MACROD2: variants seen among roughly 807,000 people sequenced by gnomAD.
The protein encoded by MACROD2 is mono-ADP ribosylhydrolase 2.
In MACROD2, 36 loss-of-function variants were observed where a neutral mutation model predicts 70.4. The observed-to-expected ratio is 0.51, with a 90% CI of 0.39 to 0.68. The LOEUF (loss-of-function observed/expected upper bound fraction) is 0.68, where lower values mean the gene tolerates loss of function less well. Ranked by LOEUF, MACROD2 falls within the 30% of genes least tolerant of loss-of-function variation. MACROD2 has a pLI of 0.00. For missense variants in MACROD2, 496 were observed against 538.4 expected (o/e 0.92, Z 0.78); for synonymous variants, 172 against 178.8 (o/e 0.96, Z 0.30).
chr20:14,705,359 AT>A (rs1490143927), intron 5 of MACROD2, among the ~76,000 whole-genome samples: 2 of 152,162 alleles, frequency 1.3e-5, no homozygotes, highest in Middle Eastern at 3.2e-3. Flanking sequence ...TTAAAAAAAA[AT>A]AATGCCCCTC....
chr20:15,486,383 T>C (rs2047163747), intron 7 of MACROD2, among the ~76,000 whole-genome samples: 1 of 152,172 alleles, frequency 6.6e-6, no homozygotes, highest in Admixed American at 6.5e-5. Context: ...CTCTCCTTAC[T>C]AAGCAAATAA....
intron 5 of MACROD2, among the ~76,000 whole-genome samples, chr20:14,927,311 A>T (rs1488462514): frequency 6.6e-6 from 1 of 152,192 alleles, no homozygotes; most frequent in African/African-American, 2.4e-5. Flanking sequence ...TACAGAATCC[A>T]TTCTATGTAG....
At chr20:14,071,256 T>TG (rs1555915765) in intron 2 of MACROD2, among the ~76,000 whole-genome samples, 15 of 88,988 alleles carry the variant, frequency 1.7e-4, no homozygotes, top group Middle Eastern at 4.5e-3. Context: ...TCTTGTGTTT[T>TG]TTTTTTTTTT....
chr20:15,837,464 C>A (rs578047291), intron 8 of MACROD2, among the ~76,000 whole-genome samples: 11 of 152,300 alleles, frequency 7.2e-5, no homozygotes, highest in African/African-American at 2.4e-4. Flanking sequence ...CTTGTCCTCA[C>A]AAGAACCCCT....
intron 8 of MACROD2, among the ~76,000 whole-genome samples, chr20:15,735,995 G>A (rs1027815405): frequency 2.0e-5 from 3 of 151,988 alleles, no homozygotes; most frequent in Non-Finnish European, 4.4e-5. Flanking sequence ...TCTGAGATAC[G>A]GCATCATGGT....
At chr20:15,445,794 CA>C (rs1487451558) in intron 7 of MACROD2, among the ~76,000 whole-genome samples, 1 of 152,086 alleles carries the variant, frequency 6.6e-6, no homozygotes, top group South Asian at 2.1e-4. Context: ...AAATGAGACC[CA>C]GAGTTGCTGA....
rs13042013 is a variant in MACROD2 at position 14,515,471 on chromosome 20, A to G, written c.301+21963A>G. The stretch of plus-strand genomic sequence containing the variant: ...ATGTGAGATACACACACACGCACAC[A>G]CACACACACACACACACACACACAC... On this transcript the variant is annotated intron_variant, in intron 4 of 17. Transcript: ENST00000684519. Among the ~76,000 whole-genome samples the G allele has an allele frequency of 5.6e-3, 560 of 99,862 alleles. 1 individual carries two copies. The highest frequency in any genetic ancestry group is 9.9e-3 in the South Asian group (27 of 2,722). 65.5% of individuals were successfully genotyped at this position (99,862 alleles called of 152,430 possible).
chr20:15,517,227 G>A lies in MACROD2; in HGVS notation c.645+17380G>A, dbSNP rs80163066. 7.0e-4 allele frequency among the ~76,000 whole-genome samples: 106 copies of A among 151,928 alleles called. 1 individual carries two copies. In the East Asian group the frequency reaches 0.012, roughly 17 times the overall value. On this transcript the variant is annotated intron_variant, in intron 8 of 17. Coordinates refer to ENST00000684519, the MANE Select transcript of MACROD2 (RefSeq NM_001351661.2). ...GCCTCCTTGGCCTCTGACTCCACCC[G>A]TCACCCTCATGCTCCAGGCCACCAC...
At chr20:15,252,210 A>G (rs1053176450) in intron 6 of MACROD2, among the ~76,000 whole-genome samples, 1 of 152,196 alleles carries the variant, frequency 6.6e-6, no homozygotes, top group Non-Finnish European at 1.5e-5. Context: ...ACAATTCCAT[A>G]TGTATTGCTA....
In MACROD2 at chr20:15,888,675, TGTCACC is replaced by T. The variant is rs2064851521; in HGVS notation, c.775+2865_775+2870del. 8.5e-5 allele frequency among the ~76,000 whole-genome samples: 13 copies of T among 152,278 alleles called. No individual in the cohort carries two copies. The South Asian group carries it at 2.5e-3, about 29-fold the overall frequency. The stretch of plus-strand genomic sequence containing the variant: ...GTTCCACCAGGTTTCCTGGGAGTTT[TGTCACC>T]AGCAGCTGCATGCAGCTGTTCAAGT... On this transcript the variant is annotated intron_variant, in intron 10 of 17. Coordinates refer to ENST00000684519, the MANE Select transcript of MACROD2 (RefSeq NM_001351661.2).
intron 15 of MACROD2, among the ~76,000 whole-genome samples, chr20:16,022,394 T>C (rs1234887016): frequency 1.3e-5 from 2 of 152,142 alleles, no homozygotes; most frequent in Non-Finnish European, 2.9e-5. Context: ...ATGTAATTAA[T>C]AAAATTTCTA....
At chr20:15,517,160 G>A (rs1010364728) in intron 8 of MACROD2, among the ~76,000 whole-genome samples, 3 of 151,944 alleles carry the variant, frequency 2.0e-5, no homozygotes, top group African/African-American at 2.4e-5. Flanking sequence ...AAAAAGTCCC[G>A]GTGGCCACCA....
In MACROD2 at chr20:15,753,347, TGTAA is replaced by T. The variant is rs148689403; in HGVS notation, c.646-109395_646-109392del. On this transcript the variant is annotated intron_variant, in intron 8 of 17. Coordinates refer to ENST00000684519, the MANE Select transcript of MACROD2 (RefSeq NM_001351661.2). ...GAGTACCCAATATTTAGCTCTCACA[TGTAA>T]GTGAGAACATGGAGTATTAGGTTTT... is the stretch of plus-strand genomic sequence containing the variant. 7.1e-3 allele frequency among the ~76,000 whole-genome samples: 1,077 copies of T among 152,334 alleles called. 18 individuals carry two copies. The highest frequency in any genetic ancestry group is 0.024 in the African/African-American group (1,005 of 41,574).
At chr20:15,716,024 GGCATTTTACATTATAATA>G (rs1357862788) in intron 8 of MACROD2, among the ~76,000 whole-genome samples, 2 of 152,042 alleles carry the variant, frequency 1.3e-5, no homozygotes, top group East Asian at 3.9e-4. Flanking sequence ...AAGGTGTTAT[GGCATTTTACATTATAATA>G]GCACAGAAGG....
At chr20:14,467,331 G>A (rs901370302) in intron 3 of MACROD2, among the ~76,000 whole-genome samples, 4 of 152,134 alleles carry the variant, frequency 2.6e-5, no homozygotes, top group Non-Finnish European at 2.9e-5. Flanking sequence ...AGGACCCTCC[G>A]AGCCAGTTGC....
intron 5 of MACROD2, among the ~76,000 whole-genome samples, chr20:15,165,220 T>A (rs1310147418): frequency 6.6e-6 from 1 of 151,926 alleles, no homozygotes; most frequent in East Asian, 1.9e-4. Flanking sequence ...CTTTGGGAGG[T>A]TGAGACAGGT....
At chr20:14,437,259 A>C (rs551551512) in intron 3 of MACROD2, among the ~76,000 whole-genome samples, 2 of 152,050 alleles carry the variant, frequency 1.3e-5, no homozygotes, top group South Asian at 2.1e-4. Flanking sequence ...AACTTTTCCC[A>C]TTCTTTTATA....
chr20:15,045,605 A>G (rs369439065), intron 5 of MACROD2, among the ~76,000 whole-genome samples: 137 of 152,192 alleles, frequency 9.0e-4, no homozygotes, highest in Non-Finnish European at 1.6e-3. Flanking sequence ...TGGTGTTTGT[A>G]CATGTGAAAT....
intron 3 of MACROD2, among the ~76,000 whole-genome samples, chr20:14,370,288 A>T (rs2083310031): frequency 1.3e-5 from 2 of 152,174 alleles, no homozygotes; most frequent in African/African-American, 4.8e-5. Context: ...GCATGTTCTC[A>T]TTAATAAATA....
Sources: allele counts gnomAD v4.1 joint callset (sites outside exome capture counted in the v4.1 genomes callset), GRCh38; gene constraint gnomAD v4.1.1; transcripts MANE v1.5; gene names NCBI Gene and HGNC (gene_info 2026-07-23, HGNC 2026-07-21).